Variants in MACROD2 observed in about 807,000 individuals in gnomAD.
MACROD2 encodes the protein mono-ADP ribosylhydrolase 2.
Under a neutral mutation model 70.4 loss-of-function variants are expected in MACROD2, and 36 were observed. That is an observed-to-expected ratio of 0.51 (90% CI 0.39 to 0.68). MACROD2 has a LOEUF of 0.68. Among genes scored for constraint, MACROD2 ranks in the 30% least tolerant of loss-of-function variants. The pLI is 0.00. For missense variants in MACROD2, 496 were observed against 538.4 expected, an observed-to-expected ratio of 0.92 and a Z score of 0.78; for synonymous variants, 172 against 178.8, an observed-to-expected ratio of 0.96 and a Z score of 0.30.
At chr20:15,891,656 A>T (rs1193344095) in intron 10 of MACROD2, among the ~76,000 whole-genome samples, 1 of 152,238 alleles carries the variant, frequency 6.6e-6, no homozygotes, top group African/African-American at 2.4e-5. Flanking sequence ...GATTGCTTCA[A>T]CTGGAAAAGT....
chr20:14,996,063 G>C (rs1217862631), intron 5 of MACROD2, among the ~76,000 whole-genome samples: 1 of 152,222 alleles, frequency 6.6e-6, no homozygotes, highest in Non-Finnish European at 1.5e-5. Context: ...GTTTGTGTGT[G>C]TGTGTGTCTG....
At chr20:14,839,999 C>G (rs1313225326) in intron 5 of MACROD2, among the ~76,000 whole-genome samples, 1 of 150,514 alleles carries the variant, frequency 6.6e-6, no homozygotes, top group East Asian at 1.9e-4. Flanking sequence ...CTACTTGCAG[C>G]TAGTATATAA....
At chr20:14,970,984 G>A (rs929334126) in intron 5 of MACROD2, among the ~76,000 whole-genome samples, 1 of 152,166 alleles carries the variant, frequency 6.6e-6, no homozygotes, top group Non-Finnish European at 1.5e-5. Flanking sequence ...AAAGGAACAT[G>A]GGAACTGAAT....
At chr20:14,732,287 T>C (rs2071608378) in intron 5 of MACROD2, among the ~76,000 whole-genome samples, 1 of 152,188 alleles carries the variant, frequency 6.6e-6, no homozygotes, top group African/African-American at 2.4e-5. Context: ...CAGGTGTTTC[T>C]AGTATTTCTT....
At chr20:15,245,908 G>A (rs1407186016) in intron 6 of MACROD2, among the ~76,000 whole-genome samples, 1 of 152,196 alleles carries the variant, frequency 6.6e-6, no homozygotes, top group Non-Finnish European at 1.5e-5. Context: ...TATGTTGTGA[G>A]CAAATTTAAA....
At chr20:14,325,265 A>G in intron 3 of MACROD2, 1 of 236,094 alleles carries the variant, frequency 4.2e-6, no homozygotes, top group Non-Finnish European at 8.1e-6. Context: ...TAGAACACAA[A>G]GTAAATGGTT....
intron 8 of MACROD2, among the ~76,000 whole-genome samples, chr20:15,715,490 C>G (rs1954062132): frequency 6.6e-6 from 1 of 152,120 alleles, no homozygotes; most frequent in Non-Finnish European, 1.5e-5. Context: ...TAAATGTATA[C>G]AAATTTTACT....
intron 5 of MACROD2, among the ~76,000 whole-genome samples, chr20:15,004,869 A>T (rs1052297486): frequency 7.9e-5 from 12 of 152,216 alleles, no homozygotes; most frequent in African/African-American, 2.9e-4. Flanking sequence ...TGATGTGTAA[A>T]ACTTTGTAGA....
intron 5 of MACROD2, among the ~76,000 whole-genome samples, chr20:15,112,668 C>G (rs1333940584): frequency 6.6e-6 from 1 of 152,096 alleles, no homozygotes; most frequent in African/African-American, 2.4e-5. Context: ...CCATTTTATT[C>G]AATTTTAAGT....
At chr20:15,478,505 G>A (rs906479080) in intron 7 of MACROD2, among the ~76,000 whole-genome samples, 2 of 152,168 alleles carry the variant, frequency 1.3e-5, no homozygotes, top group Admixed American at 1.3e-4. Context: ...CTGCCACCAT[G>A]TGTAAGTACG....
intron 7 of MACROD2, among the ~76,000 whole-genome samples, chr20:15,482,688 T>C (rs1284584541): frequency 6.6e-6 from 1 of 152,188 alleles, no homozygotes; most frequent in Non-Finnish European, 1.5e-5. Flanking sequence ...CCACCGGCAA[T>C]GAATGAGAGT....
At chr20:14,387,887 A>G (rs1468122897) in intron 3 of MACROD2, among the ~76,000 whole-genome samples, 1 of 152,200 alleles carries the variant, frequency 6.6e-6, no homozygotes, top group Non-Finnish European at 1.5e-5. Context: ...ATTTCAGTGG[A>G]GACATCAATT....
chr20:15,860,303 G>A (rs1237761080), intron 8 of MACROD2, among the ~76,000 whole-genome samples: 1 of 152,122 alleles, frequency 6.6e-6, no homozygotes. Flanking sequence ...TTTAAGTATG[G>A]GGGAAATGTG....
intron 8 of MACROD2, among the ~76,000 whole-genome samples, chr20:15,816,209 AT>A: frequency 6.6e-6 from 1 of 152,236 alleles, no homozygotes; most frequent in East Asian, 1.9e-4. Flanking sequence ...AGGTCAATGA[AT>A]TGATATATTG....
At chr20:14,311,300 C>G (rs1260443386) in intron 3 of MACROD2, among the ~76,000 whole-genome samples, 4 of 152,038 alleles carry the variant, frequency 2.6e-5, no homozygotes, top group African/African-American at 7.2e-5. Flanking sequence ...ACACAAATAC[C>G]ACTGTGTTAC....
At chr20:14,582,533 C>T (rs574861405) in intron 4 of MACROD2, among the ~76,000 whole-genome samples, 2 of 151,954 alleles carry the variant, frequency 1.3e-5, no homozygotes, top group Non-Finnish European at 2.9e-5. Flanking sequence ...TAGACTCAAG[C>T]CACATAATAG....
intron 5 of MACROD2, among the ~76,000 whole-genome samples, chr20:14,773,924 A>G (rs1055180076): frequency 1.3e-5 from 2 of 152,100 alleles, no homozygotes; most frequent in African/African-American, 4.8e-5. Flanking sequence ...TTTTAAAACT[A>G]TGAGTCAGTG....
intron 3 of MACROD2, among the ~76,000 whole-genome samples, chr20:14,097,114 G>A (rs1197769551): frequency 1.3e-5 from 2 of 152,136 alleles, no homozygotes; most frequent in Non-Finnish European, 2.9e-5. Context: ...GGTAGTAGGT[G>A]TGTACTGTAA....
chr20:14,231,221 T>C (rs1411516254), intron 3 of MACROD2, among the ~76,000 whole-genome samples: 1 of 151,972 alleles, frequency 6.6e-6, no homozygotes, highest in Admixed American at 6.6e-5. Flanking sequence ...ATGTGCCATG[T>C]TGGTGTGCTG....
Sources: allele counts gnomAD v4.1 joint callset (sites outside exome capture counted in the v4.1 genomes callset), GRCh38; gene constraint gnomAD v4.1.1; transcripts MANE v1.5; gene names NCBI Gene and HGNC (gene_info 2026-07-23, HGNC 2026-07-21).